The following FLVCR2 variants were observed in gnomAD, a reference collection of about 807,000 sequenced individuals.
FLVCR2 encodes FLVCR choline and putative heme transporter 2.
Under a neutral mutation model 48.9 loss-of-function variants are expected in FLVCR2, and 38 were observed. The observed-to-expected ratio is 0.78, with a 90% CI of 0.60 to 1.02. The LOEUF is 1.02. Among genes scored for constraint, FLVCR2 ranks in the 50% least tolerant of loss-of-function variants. FLVCR2 has a pLI of 0.00. For missense variants in FLVCR2, 664 were observed against 663.3 expected, an observed-to-expected ratio of 1.00 and a Z score of -0.01; for synonymous variants, 255 against 257.0, an observed-to-expected ratio of 0.99 and a Z score of 0.07.
At chr14:75,638,602 G>A (rs1463577257) in intron 5 of FLVCR2, among the ~76,000 whole-genome samples, 1 of 152,180 alleles carries the variant, frequency 6.6e-6, no homozygotes, top group Non-Finnish European at 1.5e-5. Context: ...TTCTGGGGTA[G>A]TCCTGAATGT....
At position 75,622,242 on chromosome 14, in the gene FLVCR2, T is replaced by G. The variant is rs552005010; in HGVS notation, c.811+22T>G. ...ATTGGTAAGGTCATTAGTAAACAGA[T>G]GGGGTAGCAGGGGGCGAAGGGGCAG... On this transcript the variant is annotated intron_variant, in intron 2 of 9. Transcript: ENST00000238667. 4.3e-6 allele frequency: 7 copies of G among 1,613,576 alleles called. No individual in the cohort carries two copies. The African/African-American group carries it at 6.7e-5, about 15-fold the overall frequency.
chr14:75,647,776 G>A lies in FLVCR2; in HGVS notation c.*1304G>A, dbSNP rs1594820348. 1 of 152,724 alleles carries A rather than the reference G, an allele frequency of 6.5e-6. No homozygotes were observed. The allele number at this position is 152,724 out of a possible 1,614,324, so 9.5% of individuals were successfully genotyped here. On this transcript the variant is annotated 3_prime_UTR_variant, in exon 10 of 10. Transcript: ENST00000238667. The stretch of plus-strand genomic sequence containing the variant: ...GTGATCGTGACCACTGTGCTGTCTT[G>A]CTCCAGCCACTGCCCTGGCCTCAGC...
intron 1 of FLVCR2, among the ~76,000 whole-genome samples, chr14:75,610,753 T>G (rs1889421793): frequency 6.6e-6 from 1 of 152,220 alleles, no homozygotes; most frequent in Admixed American, 6.5e-5. Context: ...AGAAGTTGAT[T>G]GGTCTGCATT....
intron 3 of FLVCR2, among the ~76,000 whole-genome samples, chr14:75,627,619 A>G (rs1889936862): frequency 6.6e-6 from 1 of 152,236 alleles, no homozygotes; most frequent in South Asian, 2.1e-4. Flanking sequence ...CCTACCTAGC[A>G]GGTCCCCGGA....
intron 1 of FLVCR2, among the ~76,000 whole-genome samples, chr14:75,613,251 G>A (rs976208658): frequency 2.0e-5 from 3 of 152,090 alleles, no homozygotes; most frequent in Admixed American, 2.0e-4. Context: ...AGGAAGCATG[G>A]TGCCAGCATC....
chr14:75,633,887 G>T (rs2140048106), intron 4 of FLVCR2, among the ~76,000 whole-genome samples, 191 bp downstream of exon 4: 1 of 152,042 alleles, frequency 6.6e-6, no homozygotes, highest in South Asian at 2.1e-4. Flanking sequence ...ACTAAACTGT[G>T]TGATGGCTTG....
chr14:75,600,019 G>A (rs768326056), intron 1 of FLVCR2, among the ~76,000 whole-genome samples: 1 of 152,122 alleles, frequency 6.6e-6, no homozygotes, highest in Non-Finnish European at 1.5e-5. Flanking sequence ...AGGAGGTTAG[G>A]CATTCTAAGT....
At chr14:75,586,247 A>G (rs1028655026) in intron 1 of FLVCR2, among the ~76,000 whole-genome samples, 1 of 151,642 alleles carries the variant, frequency 6.6e-6, no homozygotes, top group African/African-American at 2.4e-5. Flanking sequence ...AATGTTTTGC[A>G]GACAGTGGGT....
At chr14:75,633,748 T>C in intron 4 of FLVCR2, 52 bp downstream of exon 4, 1 of 1,434,772 alleles carries the variant, frequency 7.0e-7, no homozygotes, top group African/African-American at 1.4e-5. Flanking sequence ...AGTTTCTAAG[T>C]CTGTCTTGGC....
chr14:75,582,962 T>A (rs1234277178), intron 1 of FLVCR2, among the ~76,000 whole-genome samples: 1 of 152,218 alleles, frequency 6.6e-6, no homozygotes, highest in Non-Finnish European at 1.5e-5. Flanking sequence ...TTAAGAATTA[T>A]GCCAAGATAG....
At chr14:75,613,494 C>A (rs1372251543) in intron 1 of FLVCR2, among the ~76,000 whole-genome samples, 4 of 152,138 alleles carry the variant, frequency 2.6e-5, no homozygotes, top group African/African-American at 9.7e-5. Flanking sequence ...AATCACCTCC[C>A]ACCAGGCCCC....
At position 75,641,300 on chromosome 14, in the gene FLVCR2, T is replaced by G. The variant is rs1292110357; in HGVS notation, c.1453+7T>G. The G allele has an allele frequency of 6.2e-7, 1 of 1,607,062 alleles. No homozygotes were observed. Among genetic ancestry groups the G allele is most frequent in the Non-Finnish European group, 8.5e-7 (1 of 1,173,770 alleles). On this transcript the variant is annotated splice_region_variant and intron_variant, in intron 8 of 9. Coordinates refer to ENST00000238667, the MANE Select transcript of FLVCR2 (RefSeq NM_017791.3). ...CTTGGAGCAGCCCTCACTGGTGAGT[T>G]GGAGCCTGAGGGCAAGATGAGGCTC...
Position 75,579,519 on chromosome 14 carries a change from G to A in FLVCR2, c.547G>A (p.Gly183Ser), listed in dbSNP as rs1455201671. The change falls in exon 1 of 10, where the codon GGC becomes AGC. Residue 183 changes from glycine (G) to serine (S), a missense_variant. Coordinates refer to ENST00000238667, the MANE Select transcript of FLVCR2 (RefSeq NM_017791.3). ...KPHLFPVTVV[G>S]QLICSVAQVF... ...GCATCTCTTTCCGGTCACCGTGGTG[G>A]GCCAGCTCATCTGCTCTGTGGCCCA... 2.5e-6 allele frequency: 4 copies of A among 1,613,028 alleles called. No homozygotes were observed. The highest frequency in any genetic ancestry group is 2.7e-5 in the African/African-American group (2 of 74,888).
At chr14:75,598,382 C>G (rs1182449836) in intron 1 of FLVCR2, among the ~76,000 whole-genome samples, 1 of 152,198 alleles carries the variant, frequency 6.6e-6, no homozygotes, top group Non-Finnish European at 1.5e-5. Context: ...GACATTCAAT[C>G]CAGTGCACTG....
At chr14:75,613,162 T>C in intron 1 of FLVCR2, among the ~76,000 whole-genome samples, 1 of 152,136 alleles carries the variant, frequency 6.6e-6, no homozygotes. Flanking sequence ...CCATTTTGGA[T>C]TGCTATAAAG....
intron 1 of FLVCR2, among the ~76,000 whole-genome samples, chr14:75,583,609 T>A (rs541921490): frequency 2.0e-5 from 3 of 152,220 alleles, no homozygotes; most frequent in African/African-American, 7.2e-5. Flanking sequence ...AGCCTAGGAA[T>A]AGTCAGGGAA....
At chr14:75,611,964 A>T (rs965342138) in intron 1 of FLVCR2, among the ~76,000 whole-genome samples, 3 of 152,114 alleles carry the variant, frequency 2.0e-5, no homozygotes, top group African/African-American at 7.2e-5. Flanking sequence ...AAGAGTACAG[A>T]TGAGTACTGA....
chr14:75,640,919 T>A (rs2140054360), intron 6 of FLVCR2, 36 bp from the exon 7 acceptor site: 1 of 1,464,162 alleles, frequency 6.8e-7, no homozygotes, highest in East Asian at 2.3e-5. Flanking sequence ...GTTCTGGAAG[T>A]TCTTCATCCC....
At chr14:75,587,597 G>A (rs1175672734) in intron 1 of FLVCR2, among the ~76,000 whole-genome samples, 1 of 152,186 alleles carries the variant, frequency 6.6e-6, no homozygotes, top group African/African-American at 2.4e-5. Flanking sequence ...ATACAACTGA[G>A]GCCCTTCCCT....
Sources: allele counts gnomAD v4.1 joint callset (sites outside exome capture counted in the v4.1 genomes callset), GRCh38; gene constraint gnomAD v4.1.1; transcripts MANE v1.5; gene names NCBI Gene and HGNC (gene_info 2026-07-23, HGNC 2026-07-21).